Variants in PGCKA1 observed in about 807,000 individuals in gnomAD.
PGCKA1 encodes the protein PDCD10 and GCKIII kinases associated 1.
the PGCKA1 span, among the ~76,000 whole-genome samples, chr4:37,511,537 CA>C: frequency 1.3e-5 from 2 of 152,118 alleles, no homozygotes; most frequent in African/African-American, 4.8e-5. Flanking sequence ...CGACTATGAC[CA>C]GTACGCTATC....
chr4:37,568,550 A>G, the PGCKA1 span, among the ~76,000 whole-genome samples: 1 of 152,198 alleles, frequency 6.6e-6, no homozygotes, highest in African/African-American at 2.4e-5. Flanking sequence ...AGGCATTTCC[A>G]AAAGAGCTGC....
chr4:37,572,471 A>G, the PGCKA1 span, among the ~76,000 whole-genome samples: 15 of 152,206 alleles, frequency 9.9e-5, no homozygotes, highest in Non-Finnish European at 5.9e-5. Flanking sequence ...GTCCCTAAAC[A>G]TGAACATCTA....
chr4:37,489,470 T>A, the PGCKA1 span, among the ~76,000 whole-genome samples: 1 of 152,298 alleles, frequency 6.6e-6, no homozygotes, highest in East Asian at 1.9e-4. Context: ...GATAGTCTTC[T>A]TAATTAATTT....
chr4:37,458,379 G>A, the PGCKA1 span, among the ~76,000 whole-genome samples: 2 of 148,782 alleles, frequency 1.3e-5, no homozygotes, highest in Admixed American at 6.7e-5. Context: ...CTATTGCTGT[G>A]TAACAAATCA....
At chr4:37,561,544 A>C in the PGCKA1 span, among the ~76,000 whole-genome samples, 1 of 152,194 alleles carries the variant, frequency 6.6e-6, no homozygotes, top group African/African-American at 2.4e-5. Context: ...AAAGAAGGCC[A>C]ATGTGGCCAG....
At chr4:37,571,245 A>G in the PGCKA1 span, among the ~76,000 whole-genome samples, 2 of 151,666 alleles carry the variant, frequency 1.3e-5, no homozygotes, top group East Asian at 1.9e-4. Flanking sequence ...TCATCCTGGG[A>G]CTATATATGG....
At chr4:37,486,462 G>A in the PGCKA1 span, among the ~76,000 whole-genome samples, 3 of 152,186 alleles carry the variant, frequency 2.0e-5, no homozygotes, top group African/African-American at 4.8e-5. Flanking sequence ...TCATTCTGCC[G>A]AGCAAGAAAC....
chr4:37,555,296 G>T, the PGCKA1 span, among the ~76,000 whole-genome samples: 28 of 152,336 alleles, frequency 1.8e-4, no homozygotes, highest in African/African-American at 6.7e-4. Flanking sequence ...AGCTTACTAA[G>T]TGTGCAGACA....
At chr4:37,542,106 TAAGG>T in the PGCKA1 span, among the ~76,000 whole-genome samples, 1 of 152,148 alleles carries the variant, frequency 6.6e-6, no homozygotes, top group Non-Finnish European at 1.5e-5. Flanking sequence ...TTATCATAGA[TAAGG>T]AAGGAATCTC....
chr4:37,500,829 A>T, the PGCKA1 span, among the ~76,000 whole-genome samples: 1 of 152,154 alleles, frequency 6.6e-6, no homozygotes, highest in Non-Finnish European at 1.5e-5. Context: ...TATATTTAGG[A>T]TAGTTTCTTG....
At chr4:37,463,036 C>A in the PGCKA1 span, among the ~76,000 whole-genome samples, 1 of 151,036 alleles carries the variant, frequency 6.6e-6, no homozygotes, top group African/African-American at 2.4e-5. Flanking sequence ...TGGTCCAAAC[C>A]CCTCATTTTA....
the PGCKA1 span, among the ~76,000 whole-genome samples, chr4:37,508,780 A>C: frequency 6.7e-6 from 1 of 149,524 alleles, no homozygotes; most frequent in Non-Finnish European, 1.5e-5. Context: ...CAGCAGATAA[A>C]CAAGTGAACA....
the PGCKA1 span, among the ~76,000 whole-genome samples, chr4:37,562,670 C>T: frequency 4.3e-4 from 66 of 152,292 alleles, no homozygotes; most frequent in Non-Finnish European, 8.7e-4. Context: ...AATCTTCCTA[C>T]GGTTACTCCG....
At chr4:37,463,593 A>C in the PGCKA1 span, among the ~76,000 whole-genome samples, 3 of 152,188 alleles carry the variant, frequency 2.0e-5, no homozygotes, top group Non-Finnish European at 4.4e-5. Flanking sequence ...GATGCCATGC[A>C]TTCTCTGTTG....
At chr4:37,496,008 A>T in the PGCKA1 span, among the ~76,000 whole-genome samples, 7 of 151,904 alleles carry the variant, frequency 4.6e-5, no homozygotes, top group African/African-American at 1.2e-4. Context: ...TGGCAAAAAA[A>T]TTTTTTTTAC....
At chr4:37,570,812 T>C in the PGCKA1 span, among the ~76,000 whole-genome samples, 1 of 152,244 alleles carries the variant, frequency 6.6e-6, no homozygotes, top group African/African-American at 2.4e-5. Context: ...ATAGAACCCT[T>C]GGAGCCGGAC....
At chr4:37,557,041 T>A in the PGCKA1 span, among the ~76,000 whole-genome samples, 153 of 152,324 alleles carry the variant, frequency 1.0e-3, no homozygotes, top group African/African-American at 3.5e-3. Context: ...GCTCATTATC[T>A]CGATATACAG....
the PGCKA1 span, among the ~76,000 whole-genome samples, chr4:37,465,539 A>T: frequency 1.3e-5 from 2 of 152,146 alleles, no homozygotes; most frequent in African/African-American, 4.8e-5. Context: ...GTTCTGAGAA[A>T]TGTCTTGAGC....
At chr4:37,494,662 A>G in the PGCKA1 span, among the ~76,000 whole-genome samples, 10 of 152,134 alleles carry the variant, frequency 6.6e-5, no homozygotes, top group Non-Finnish European at 1.2e-4. Flanking sequence ...TCCTGGGTCG[A>G]TTGGTAGTTC....
Sources: allele counts gnomAD v4.1 joint callset (sites outside exome capture counted in the v4.1 genomes callset), GRCh38; gene constraint gnomAD v4.1.1; transcripts MANE v1.5; gene names NCBI Gene and HGNC (gene_info 2026-07-23, HGNC 2026-07-21).